Variants in ACOT7 observed in about 807,000 individuals in gnomAD.
The protein encoded by ACOT7 is cytosolic acyl coenzyme A thioester hydrolase.
In ACOT7, 12 loss-of-function variants were observed where a neutral mutation model predicts 40.2. The observed-to-expected ratio is 0.30, with a 90% CI of 0.19 to 0.48. The LOEUF (loss-of-function observed/expected upper bound fraction) is 0.48. ACOT7 is among the 20% of genes least tolerant of loss of function. The probability of loss-of-function intolerance (pLI) is 0.99; values close to 1 mark genes in which losing one functional copy is unlikely to be tolerated. For synonymous variants in ACOT7, 228 were observed against 219.5 expected (o/e 1.04, Z -0.34); for missense variants, 395 against 530.8 (o/e 0.74, Z 2.51).
intron 1 of ACOT7, among the ~76,000 whole-genome samples, chr1:6,351,373 C>T (rs999678467): frequency 6.6e-6 from 1 of 152,280 alleles, no homozygotes; most frequent in East Asian, 1.9e-4. Context: ...CATTTGGCTT[C>T]TCAAGTGTTC....
intron 6 of ACOT7, among the ~76,000 whole-genome samples, chr1:6,315,132 A>C (rs1204756410): frequency 6.6e-6 from 1 of 152,180 alleles, no homozygotes; most frequent in African/African-American, 2.4e-5. Flanking sequence ...GACACCCTTC[A>C]TGAGTTTATC....
At chr1:6,283,502 C>T (rs796989436) in intron 7 of ACOT7, among the ~76,000 whole-genome samples, 18 of 152,350 alleles carry the variant, frequency 1.2e-4, no homozygotes, top group South Asian at 4.1e-4. Context: ...CATGAAGGCC[C>T]ACCTTGGCCA....
intron 1 of ACOT7, among the ~76,000 whole-genome samples, chr1:6,383,685 C>A (rs958754528): frequency 6.6e-6 from 1 of 151,136 alleles, no homozygotes; most frequent in African/African-American, 2.4e-5. Context: ...ACAGGCACAC[C>A]CCACCTACCC....
At chr1:6,283,988 C>T (rs925066761) in intron 7 of ACOT7, among the ~76,000 whole-genome samples, 6 of 152,066 alleles carry the variant, frequency 3.9e-5, no homozygotes, top group African/African-American at 1.4e-4. Flanking sequence ...GAGCAAGACC[C>T]TGTCTCAGAA....
chr1:6,375,419 G>C (rs1244444359), intron 1 of ACOT7, among the ~76,000 whole-genome samples: 2 of 152,132 alleles, frequency 1.3e-5, no homozygotes, highest in Non-Finnish European at 2.9e-5. Flanking sequence ...TATAATCCCA[G>C]CACTTTGGGA....
At chr1:6,339,693 C>G in intron 2 of ACOT7, 104 bp from the exon 3 acceptor site, 1 of 1,408,346 alleles carries the variant, frequency 7.1e-7, no homozygotes. Flanking sequence ...TGCTTTCATT[C>G]CCCACTGTGA....
chr1:6,282,354 C>T lies in ACOT7; in HGVS notation c.830-1068G>A, dbSNP rs1639381273. On this transcript the variant is annotated intron_variant, in intron 7 of 8. Coordinates refer to ENST00000361521, the MANE Select transcript of ACOT7 (RefSeq NM_007274.4). This position sits in a 1 kb window ranked among gnomAD's most constrained non-coding sequence, Gnocchi z 4.5. ...AAGGTGTCACCATCGATGTCACTGG[C>T]CACCAGGCTGCAGAAACCCCCGGGG... 6.6e-6 allele frequency among the ~76,000 whole-genome samples: 1 copy of T among 152,194 alleles called. No individual in the cohort carries two copies. Among genetic ancestry groups the T allele is most frequent in the Non-Finnish European group, 1.5e-5 (1 of 68,036 alleles).
rs190734020 is a variant in ACOT7 at position 6,340,787 on chromosome 1, G to C, written c.262-1198C>G. Reference sequence around the variant, plus strand: ...GCGGTGGCTCATGACTATAATTCCAGAACTTTGGGAGGCCGAGGTGGGCGG... The same window carrying C: ...GCGGTGGCTCATGACTATAATTCCACAACTTTGGGAGGCCGAGGTGGGCGG... On this transcript the variant is annotated intron_variant, in intron 2 of 8. Coordinates refer to ENST00000361521, the MANE Select transcript of ACOT7 (RefSeq NM_007274.4). Among the ~76,000 whole-genome samples, 61 of 152,128 alleles carry C rather than the reference G, an allele frequency of 4.0e-4. 1 individual carries two copies. Among genetic ancestry groups the C allele is most frequent in the Admixed American group, 3.7e-3 (56 of 15,270 alleles).
At chr1:6,350,041 C>T (rs1641547365) in intron 1 of ACOT7, among the ~76,000 whole-genome samples, 175 bp from the exon 2 acceptor site, 1 of 152,208 alleles carries the variant, frequency 6.6e-6, no homozygotes. Context: ...GGGGTGCCAC[C>T]TGCTAGGCCA....
chr1:6,362,542 G>A (rs1641914416), intron 1 of ACOT7, among the ~76,000 whole-genome samples: 1 of 152,064 alleles, frequency 6.6e-6, no homozygotes, highest in Non-Finnish European at 1.5e-5. Flanking sequence ...AATGAGACAG[G>A]CACCTAGAAC....
At chr1:6,369,754 A>AT (rs927391468) in intron 1 of ACOT7, among the ~76,000 whole-genome samples, 3 of 151,320 alleles carry the variant, frequency 2.0e-5, no homozygotes, top group African/African-American at 7.3e-5. Flanking sequence ...AATTTTTTGT[A>AT]TTTTTTGTAG....
chr1:6,327,592 CT>C (rs1463282169), intron 4 of ACOT7, among the ~76,000 whole-genome samples, 179 bp from the exon 5 acceptor site: 2 of 152,212 alleles, frequency 1.3e-5, no homozygotes, highest in African/African-American at 4.8e-5. Context: ...TGTGGCTCCA[CT>C]CCCCAGAGAG....
intron 6 of ACOT7, among the ~76,000 whole-genome samples, chr1:6,304,994 C>T (rs1181419662): frequency 6.7e-6 from 1 of 150,260 alleles, no homozygotes; most frequent in Non-Finnish European, 1.5e-5. Flanking sequence ...CCCCTCACCT[C>T]CCGGACGGGG....
chr1:6,323,326 G>A (rs72633422), intron 5 of ACOT7, among the ~76,000 whole-genome samples: 10,402 of 152,104 alleles, frequency 0.068, 388 homozygotes, highest in Non-Finnish European at 0.088. Flanking sequence ...GTGGGCTGGC[G>A]TGTTCAACAG....
intron 6 of ACOT7, among the ~76,000 whole-genome samples, chr1:6,297,723 C>T (rs763039645): frequency 1.3e-5 from 2 of 152,148 alleles, no homozygotes; most frequent in Non-Finnish European, 2.9e-5. Flanking sequence ...GATGTGATAG[C>T]GCTATTGTGG....
intron 8 of ACOT7, among the ~76,000 whole-genome samples, chr1:6,276,268 G>A (rs150457189): frequency 2.0e-5 from 3 of 152,228 alleles, no homozygotes; most frequent in African/African-American, 7.2e-5. Context: ...TGACCCTCCT[G>A]CAGGCTGAAA....
rs1288758921 is a variant in ACOT7, at chr1:6,393,570, GGCGGC to G, written c.-176_-172del. The G allele has an allele frequency of 2.0e-6, 1 of 511,904 alleles. No individual in the cohort carries two copies. Among genetic ancestry groups the G allele is most frequent in the African/African-American group, 2.0e-5 (1 of 49,586 alleles). 31.7% of individuals were successfully genotyped at this position (511,904 alleles called of 1,614,324 possible). Reference sequence around the variant, plus strand: ...AGAGCTCGCGCGGGCGTACGATTCTGGCGGCGTGGGGGCCCAGGCAGCCGCCGCTT... The same window carrying G: ...AGAGCTCGCGCGGGCGTACGATTCTGGTGGGGGCCCAGGCAGCCGCCGCTT... On this transcript the variant is annotated 5_prime_UTR_variant, in exon 1 of 9. Transcript: ENST00000361521.
At chr1:6,297,950 A>G (rs1639858189) in intron 6 of ACOT7, among the ~76,000 whole-genome samples, 1 of 152,268 alleles carries the variant, frequency 6.6e-6, no homozygotes, top group South Asian at 2.1e-4. Flanking sequence ...GGTGTTATTG[A>G]TTAAAGCATT....
At chr1:6,361,012 T>C (rs991702591) in intron 1 of ACOT7, among the ~76,000 whole-genome samples, 4 of 152,172 alleles carry the variant, frequency 2.6e-5, no homozygotes, top group African/African-American at 9.7e-5. Flanking sequence ...ATCATTTTAA[T>C]TGACAAAACG....
Sources: allele counts gnomAD v4.1 joint callset (sites outside exome capture counted in the v4.1 genomes callset), GRCh38; gene constraint gnomAD v4.1.1; non-coding constraint Gnocchi (gnomAD v3.1); transcripts MANE v1.5; gene names NCBI Gene and HGNC (gene_info 2026-07-23, HGNC 2026-07-21).